Variants in LRRIQ1 observed in about 807,000 individuals in gnomAD.
The protein encoded by LRRIQ1 is leucine rich repeats and IQ motif containing 1, also known as leucine-rich repeat- and IQ domain-containing protein 1.
A neutral mutation model predicts 211.9 loss-of-function variants in LRRIQ1; 210 were observed. That is an observed-to-expected ratio of 0.99 (90% CI 0.89 to 1.11). The LOEUF (loss-of-function observed/expected upper bound fraction) is 1.11. LRRIQ1 is among the 50% of genes most tolerant of loss of function. LRRIQ1 has a pLI of 0.00. For missense variants in LRRIQ1, 2,136 were observed against 1,939.5 expected (o/e 1.10, Z -1.90); for synonymous variants, 699 against 650.1 (o/e 1.08, Z -1.14).
At chr12:85,153,892 A>G (rs1833043545) in intron 22 of LRRIQ1, 120 bp from the exon 23 acceptor site, 4 of 941,462 alleles carry the variant, frequency 4.2e-6, no homozygotes, top group Non-Finnish European at 4.6e-6. Context: ...AGTTTCTTAA[A>G]TGGGAATTCA....
chr12:85,056,058 T>C lies in LRRIQ1; in HGVS notation c.1265T>C (p.Ile422Thr). 4 of 1,597,058 alleles carry C rather than the reference T, an allele frequency of 2.5e-6. No individual in the cohort carries two copies. Among genetic ancestry groups the C allele is most frequent in the South Asian group, 1.2e-5 (1 of 86,712 alleles). ...LEDISNDKGD[I>T]AKNLVDENSK... is the part of the protein sequence containing the mutation. ...GATATTTCAAATGATAAGGGTGATA[T>C]AGCCAAAAATCTAGTGGATGAAAAT... The change falls in exon 8 of 27, where the codon ATA (isoleucine) becomes ACA (threonine). Residue 422 changes from isoleucine (I) to threonine (T), a missense_variant. Physicochemically the swap from Ile to Thr is moderately conservative, Grantham distance 89 (BLOSUM62 -1). Coordinates refer to ENST00000393217, the MANE Select transcript of LRRIQ1 (RefSeq NM_001079910.2).
At chr12:85,102,828 G>A (rs1886448517) in intron 13 of LRRIQ1, among the ~76,000 whole-genome samples, 1 of 150,210 alleles carries the variant, frequency 6.7e-6, no homozygotes, top group African/African-American at 2.4e-5. Flanking sequence ...CAATAAAAGT[G>A]AAAATTAATG....
chr12:85,144,766 G>T (rs1197307393), intron 19 of LRRIQ1, among the ~76,000 whole-genome samples: 1 of 151,514 alleles, frequency 6.6e-6, no homozygotes, highest in East Asian at 1.9e-4. Flanking sequence ...GTTATTATTG[G>T]GTTTCAAGTA....
chr12:85,247,280 C>G (rs1323795718), downstream of LRRIQ1, among the ~76,000 whole-genome samples: 2 of 151,602 alleles, frequency 1.3e-5, no homozygotes, highest in African/African-American at 4.8e-5. Context: ...CTTGAAAGCT[C>G]TTTTTCCTTT....
At chr12:85,107,087 C>A (rs1433138238) in intron 15 of LRRIQ1, among the ~76,000 whole-genome samples, 2 of 151,970 alleles carry the variant, frequency 1.3e-5, no homozygotes, top group African/African-American at 4.8e-5. Flanking sequence ...TGGAATATTG[C>A]AATACCTAAA....
chr12:85,206,586 G>A (rs1443791414), intron 24 of LRRIQ1, among the ~76,000 whole-genome samples: 1 of 152,088 alleles, frequency 6.6e-6, no homozygotes, highest in Non-Finnish European at 1.5e-5. Context: ...TGGGGGTGAG[G>A]GGGTGCTCCT....
chr12:85,160,621 G>C lies in LRRIQ1; in HGVS notation c.4729G>C (p.Val1577Leu). The change falls in exon 24 of 27, where the codon GTG becomes CTG. Residue 1577 changes from valine to leucine, a missense_variant. Physicochemically the swap from Val to Leu is conservative, Grantham distance 32. Transcript: ENST00000393217. ...TTATTCGTTTTGTTTAGATTCCACT[G>C]TGCGTCTAGCCTTATTCAAAAACAA... Reference protein sequence around the residue: ...KKLKKKIDSTVRLALFKNNEN... With the variant: ...KKLKKKIDSTLRLALFKNNEN... 1 of 1,599,514 alleles carries C rather than the reference G, an allele frequency of 6.3e-7. No homozygotes were observed. Among genetic ancestry groups the C allele is most frequent in the Non-Finnish European group, 8.6e-7 (1 of 1,168,392 alleles).
At chr12:85,215,322 G>A (rs1225030053) in intron 24 of LRRIQ1, among the ~76,000 whole-genome samples, 1 of 152,166 alleles carries the variant, frequency 6.6e-6, no homozygotes, top group East Asian at 1.9e-4. Flanking sequence ...ATCATAGGAA[G>A]CCTTGCACAA....
chr12:85,236,679 T>C (rs1307480103), intron 26 of LRRIQ1, among the ~76,000 whole-genome samples: 1 of 151,662 alleles, frequency 6.6e-6, no homozygotes, highest in African/African-American at 2.4e-5. Context: ...GGTATTTGAA[T>C]ACCCTATTAG....
At chr12:85,239,512 T>C (rs927072820) in intron 26 of LRRIQ1, among the ~76,000 whole-genome samples, 4 of 151,926 alleles carry the variant, frequency 2.6e-5, no homozygotes, top group African/African-American at 9.7e-5. Flanking sequence ...GTCAATTGAT[T>C]TTTTATAAAG....
chr12:85,060,196 A>G (rs1439831967), intron 8 of LRRIQ1, among the ~76,000 whole-genome samples: 2 of 151,894 alleles, frequency 1.3e-5, no homozygotes, highest in Admixed American at 1.3e-4. Context: ...GTGGGTCTCA[A>G]GCAAGCAAAG....
chr12:85,181,477 A>G (rs1413464737), intron 24 of LRRIQ1, among the ~76,000 whole-genome samples: 2 of 151,944 alleles, frequency 1.3e-5, no homozygotes, highest in Admixed American at 1.3e-4. Context: ...TCTTTGTACC[A>G]ATGACCTTAA....
intron 1 of LRRIQ1, among the ~76,000 whole-genome samples, 192 bp from the exon 2 acceptor site, chr12:85,037,961 G>T (rs780893670): frequency 2.0e-5 from 3 of 151,792 alleles, no homozygotes; most frequent in Admixed American, 6.6e-5. Flanking sequence ...TACAATTACA[G>T]TTGATCATTT....
chr12:85,167,623 T>C (rs971607325), intron 24 of LRRIQ1, among the ~76,000 whole-genome samples: 12 of 152,158 alleles, frequency 7.9e-5, no homozygotes, highest in African/African-American at 2.4e-4. Flanking sequence ...GCCAAGCTGG[T>C]AGCTGATTAG....
At chr12:85,204,058 C>T (rs558924605) in intron 24 of LRRIQ1, among the ~76,000 whole-genome samples, 1 of 152,284 alleles carries the variant, frequency 6.6e-6, no homozygotes, top group South Asian at 2.1e-4. Context: ...ATGCTGTGTG[C>T]AGCCTAGGGA....
At chr12:85,225,067 C>T (rs1194385016) in intron 24 of LRRIQ1, among the ~76,000 whole-genome samples, 3 of 151,926 alleles carry the variant, frequency 2.0e-5, no homozygotes, top group Admixed American at 6.6e-5. Flanking sequence ...GTTCTGCATC[C>T]GTAGGTTCAA....
chr12:85,242,250 T>TTATC (rs1227862002), intron 26 of LRRIQ1, among the ~76,000 whole-genome samples: 1 of 151,934 alleles, frequency 6.6e-6, no homozygotes, highest in African/African-American at 2.4e-5. Flanking sequence ...GTGTGATCAG[T>TTATC]TATCTTCAGG....
intron 24 of LRRIQ1, among the ~76,000 whole-genome samples, chr12:85,226,234 C>G (rs1044253219): frequency 2.0e-5 from 3 of 152,112 alleles, no homozygotes; most frequent in African/African-American, 7.2e-5. Context: ...TTTTTAAGAA[C>G]AGGAAGACTG....
At chr12:85,126,277 A>G (rs922054693) in intron 17 of LRRIQ1, among the ~76,000 whole-genome samples, 1 of 152,178 alleles carries the variant, frequency 6.6e-6, no homozygotes, top group East Asian at 1.9e-4. Context: ...CATGCAATCA[A>G]TGACTTTACA....
Sources: allele counts gnomAD v4.1 joint callset (sites outside exome capture counted in the v4.1 genomes callset), GRCh38; gene constraint gnomAD v4.1.1; transcripts MANE v1.5; gene names NCBI Gene and HGNC (gene_info 2026-07-23, HGNC 2026-07-21).